Variants in ARNT2 observed in about 807,000 individuals in gnomAD.
ARNT2 encodes the protein ARNT protein 2.
Under a neutral mutation model 91.7 loss-of-function variants are expected in ARNT2, and 36 were observed. That is an observed-to-expected ratio of 0.39 (90% CI 0.30 to 0.52). The LOEUF (loss-of-function observed/expected upper bound fraction) is 0.52. Ranked by LOEUF, ARNT2 falls within the 20% of genes least tolerant of loss-of-function variation. The pLI, the probability that ARNT2 is intolerant of heterozygous loss-of-function variation, is 0.72. For missense variants in ARNT2, 775 were observed against 939.3 expected, an observed-to-expected ratio of 0.83 and a Z score of 2.29; for synonymous variants, 365 against 347.1, an observed-to-expected ratio of 1.05 and a Z score of -0.57.
rs756944227 is a variant in ARNT2 at position 80,555,115 on chromosome 15, C to T, written c.1140C>T (p.Ser380=). 21 of 1,614,090 alleles carry T rather than the reference C, an allele frequency of 1.3e-5. No homozygotes were observed. In the African/African-American group the frequency reaches 2.7e-4, roughly 21 times the overall value. The change falls in exon 11 of 19, where the codon AGC becomes AGT. Residue 380 remains serine (S), a synonymous_variant. Coordinates refer to ENST00000303329, the MANE Select transcript of ARNT2 (RefSeq NM_014862.4). ...AATTCTGCCACCCTGAGGATCAAAGCCATCTGCGTGAGAGCTTCCAGCAGG... is the reference window on the plus strand; with the variant it reads ...AATTCTGCCACCCTGAGGATCAAAGTCATCTGCGTGAGAGCTTCCAGCAGG... The part of the protein sequence containing the change: ...ILEFCHPEDQ[S]HLRESFQQVV...
At chr15:80,469,380 T>C (rs1264485721) in intron 3 of ARNT2, among the ~76,000 whole-genome samples, 2 of 152,178 alleles carry the variant, frequency 1.3e-5, no homozygotes, top group African/African-American at 4.8e-5. Context: ...CTGTTGGGCA[T>C]AGAACAAAGG....
chr15:80,441,483 C>G (rs3848172), intron 1 of ARNT2: 43,395 of 772,662 alleles, frequency 0.056, 1,363 homozygotes, highest in African/African-American at 0.13. Context: ...CCCTCACCCC[C>G]CTCCCAGCCA....
intron 5 of ARNT2, among the ~76,000 whole-genome samples, chr15:80,504,582 A>C (rs181527830): frequency 7.2e-5 from 11 of 152,128 alleles, no homozygotes; most frequent in Non-Finnish European, 1.6e-4. Context: ...TGACTGGGCA[A>C]CATAGTGAGT....
At chr15:80,559,344 G>T (rs1898275635) in intron 11 of ARNT2, among the ~76,000 whole-genome samples, 1 of 152,140 alleles carries the variant, frequency 6.6e-6, no homozygotes, top group Admixed American at 6.5e-5. Context: ...CCCAGCCCCA[G>T]CCCCGGCCAC....
intron 5 of ARNT2, among the ~76,000 whole-genome samples, chr15:80,501,238 C>T (rs770378108): frequency 2.0e-5 from 3 of 151,714 alleles, no homozygotes; most frequent in African/African-American, 7.3e-5. Context: ...AAGTAAAAGT[C>T]TAATAGTAAA....
At chr15:80,425,476 C>T (rs1196230769) in intron 1 of ARNT2, among the ~76,000 whole-genome samples, 1 of 152,004 alleles carries the variant, frequency 6.6e-6, no homozygotes, top group Non-Finnish European at 1.5e-5. Flanking sequence ...TTGGGAGAAA[C>T]TTTAGCAGAC....
chr15:80,501,927 T>G (rs1465024901), intron 5 of ARNT2, among the ~76,000 whole-genome samples: 3 of 152,204 alleles, frequency 2.0e-5, no homozygotes, highest in Non-Finnish European at 2.9e-5. Flanking sequence ...AATTACTAAT[T>G]TATCAGCTCA....
intron 1 of ARNT2, among the ~76,000 whole-genome samples, chr15:80,428,073 C>A (rs969622383): frequency 6.6e-6 from 1 of 152,166 alleles, no homozygotes; most frequent in African/African-American, 2.4e-5. Flanking sequence ...TAATGCAGTG[C>A]CTTGAACACC....
Position 80,450,973 on chromosome 15 carries a change from G to T in ARNT2, c.125G>T (p.Arg42Leu). 1.2e-6 allele frequency: 2 copies of T among 1,613,956 alleles called. No individual in the cohort carries two copies. The highest frequency in any genetic ancestry group is 1.7e-6 in the Non-Finnish European group (2 of 1,179,982). The change falls in exon 2 of 19, where the codon CGT becomes CTT. Residue 42 changes from arginine (R) to leucine (L), a missense_variant. Transcript: ENST00000303329. ...AGGATGGCGGGGGCCATGCCTGCCC[G>T]TGGAGGAAAGCGGCGTTCCGGGTAA... is the stretch of plus-strand genomic sequence containing the variant. ...QVRMAGAMPARGGKRRSGMDF... is the reference protein window; with the variant it reads ...QVRMAGAMPALGGKRRSGMDF...
intron 1 of ARNT2, among the ~76,000 whole-genome samples, chr15:80,437,607 T>C (rs559568554): frequency 3.5e-4 from 54 of 152,318 alleles, no homozygotes; most frequent in Admixed American, 2.4e-3. Context: ...AAATTCTGCC[T>C]TTTCCCCCTT....
At position 80,415,229 on chromosome 15, in the gene ARNT2, A is replaced by G. The variant is rs143745750; in HGVS notation, c.31+10683A>G. ...CTCCCACATATTTCCTCCTCCTGCT[A>G]TGTCCCCTGTGGCAGCAAGTGGCAC... On this transcript the variant is annotated intron_variant, in intron 1 of 18. Transcript: ENST00000303329. Among the ~76,000 whole-genome samples, 29 of 152,310 alleles carry G rather than the reference A, an allele frequency of 1.9e-4. No homozygotes were observed. The East Asian group carries it at 5.0e-3, about 26-fold the overall frequency.
intron 8 of ARNT2, among the ~76,000 whole-genome samples, chr15:80,534,762 C>A (rs1281760960): frequency 6.6e-6 from 1 of 152,184 alleles, no homozygotes; most frequent in Non-Finnish European, 1.5e-5. Flanking sequence ...CAGTGGACGT[C>A]CTCGCATTTG....
At chr15:80,512,618 A>G (rs1023599327) in intron 6 of ARNT2, among the ~76,000 whole-genome samples, 2 of 152,252 alleles carry the variant, frequency 1.3e-5, no homozygotes, top group Admixed American at 1.3e-4. Flanking sequence ...GCTTCTGTGA[A>G]TAAATGCCTA....
At chr15:80,436,552 C>T (rs1447938208) in intron 1 of ARNT2, among the ~76,000 whole-genome samples, 2 of 152,118 alleles carry the variant, frequency 1.3e-5, no homozygotes, top group Non-Finnish European at 2.9e-5. Flanking sequence ...AGTGATACTC[C>T]CAGGACACCC....
At chr15:80,475,798 T>C (rs1283422709) in intron 5 of ARNT2, among the ~76,000 whole-genome samples, 1 of 152,190 alleles carries the variant, frequency 6.6e-6, no homozygotes, top group Non-Finnish European at 1.5e-5. Flanking sequence ...ATGCCCTGTT[T>C]GAAGTTTATC....
intron 3 of ARNT2, among the ~76,000 whole-genome samples, chr15:80,469,001 T>C (rs1896696702): frequency 6.6e-6 from 1 of 152,246 alleles, no homozygotes; most frequent in South Asian, 2.1e-4. Flanking sequence ...AATTAATACA[T>C]GCAGTGTCTG....
intron 3 of ARNT2, among the ~76,000 whole-genome samples, chr15:80,470,011 T>A (rs1268135200): frequency 6.6e-6 from 1 of 152,182 alleles, no homozygotes; most frequent in Non-Finnish European, 1.5e-5. Flanking sequence ...ACTATAGACA[T>A]CTGTGCTTCC....
At chr15:80,517,869 T>C (rs374836333) in intron 8 of ARNT2, among the ~76,000 whole-genome samples, 3 of 152,170 alleles carry the variant, frequency 2.0e-5, no homozygotes, top group African/African-American at 7.2e-5. Flanking sequence ...AGTTTCCATC[T>C]CTCTGCTTTT....
In ARNT2 at chr15:80,463,630, G is replaced by A. The variant is rs531063277; in HGVS notation, c.194+5654G>A. ...TTTTGCTCTTGTTGCCCAAGCTGGAGTGCAATGGCGCGGTCTCGGTTCACT... is the reference window on the plus strand; with the variant it reads ...TTTTGCTCTTGTTGCCCAAGCTGGAATGCAATGGCGCGGTCTCGGTTCACT... On this transcript the variant is annotated intron_variant, in intron 3 of 18. Coordinates refer to ENST00000303329, the MANE Select transcript of ARNT2 (RefSeq NM_014862.4). Among the ~76,000 whole-genome samples the A allele has an allele frequency of 5.9e-4, 87 of 147,358 alleles. 1 individual carries two copies. The highest frequency in any genetic ancestry group is 2.0e-3 in the Admixed American group (29 of 14,410).
Sources: gnomAD v4.1 joint callset for allele counts (sites outside exome capture counted in the v4.1 genomes callset) on GRCh38, gnomAD v4.1.1 for gene constraint, MANE v1.5 for transcripts, NCBI Gene and HGNC (gene_info 2026-07-23, HGNC 2026-07-21) for gene names.